The following COL21A1 variants were observed in gnomAD, a reference collection of about 807,000 sequenced individuals.
The protein encoded by COL21A1 is collagen type XXI alpha 1 chain.
COL21A1 carries 149 observed loss-of-function variants against 137.9 expected under a neutral mutation model. The ratio of observed to expected loss-of-function variants is 1.08; its 90% confidence interval spans 0.95 to 1.24. The LOEUF is 1.24. Ranked by LOEUF, COL21A1 falls within the 50% of genes most tolerant of loss-of-function variation. The pLI is 0.00. For synonymous variants in COL21A1, 456 were observed against 391.5 expected, an observed-to-expected ratio of 1.16 and a Z score of -1.95; for missense variants, 1,167 against 1,158.4, an observed-to-expected ratio of 1.01 and a Z score of -0.11.
intron 12 of COL21A1, among the ~76,000 whole-genome samples, chr6:56,131,355 A>AAT (rs1228673055): frequency 6.6e-6 from 1 of 151,448 alleles, no homozygotes; most frequent in Admixed American, 6.6e-5. Flanking sequence ...TATTTTAAAA[A>AAT]ATATATGCGC....
At chr6:56,378,767 G>T (rs1225317073) in intron 1 of COL21A1, among the ~76,000 whole-genome samples, 2 of 152,192 alleles carry the variant, frequency 1.3e-5, no homozygotes, top group African/African-American at 2.4e-5. Flanking sequence ...AGGGGGCCTT[G>T]GGCAAGACCC....
chr6:56,236,210 T>C (rs988752804), intron 1 of COL21A1, among the ~76,000 whole-genome samples: 8 of 152,108 alleles, frequency 5.3e-5, no homozygotes, highest in East Asian at 1.9e-4. Context: ...GGGCATATAT[T>C]AGCTGTCTTC....
intron 16 of COL21A1, among the ~76,000 whole-genome samples, chr6:56,119,892 T>C (rs1204380663): frequency 6.6e-6 from 1 of 152,134 alleles, no homozygotes; most frequent in African/African-American, 2.4e-5. Context: ...TCTCCTGGCA[T>C]ACACAAAAAT....
chr6:56,385,756 GCTTT>G (rs143682167), intron 1 of COL21A1, among the ~76,000 whole-genome samples: 8,434 of 151,848 alleles, frequency 0.056, 696 homozygotes, highest in African/African-American at 0.18. Context: ...CCCTCAATCT[GCTTT>G]CTATCTCTGT....
At chr6:56,369,177 T>C (rs1276182188) in intron 1 of COL21A1, among the ~76,000 whole-genome samples, 1 of 152,114 alleles carries the variant, frequency 6.6e-6, no homozygotes, top group Non-Finnish European at 1.5e-5. Flanking sequence ...AAAGTGTTAT[T>C]TTAATCATTG....
At chr6:56,178,405 A>G (rs529288057) in intron 3 of COL21A1, among the ~76,000 whole-genome samples, 2 of 152,254 alleles carry the variant, frequency 1.3e-5, no homozygotes, top group Non-Finnish European at 2.9e-5. Flanking sequence ...GAAGACGTTT[A>G]ATTTTCTATA....
intron 1 of COL21A1, among the ~76,000 whole-genome samples, chr6:56,324,764 C>T (rs959236204): frequency 1.3e-5 from 2 of 152,004 alleles, no homozygotes; most frequent in Admixed American, 1.3e-4. Context: ...ATCATTGAAA[C>T]TTGGCACATT....
intron 1 of COL21A1, among the ~76,000 whole-genome samples, chr6:56,313,717 T>C (rs1764663759): frequency 6.6e-6 from 1 of 152,014 alleles, no homozygotes; most frequent in Non-Finnish European, 1.5e-5. Context: ...ATTCAGTCCA[T>C]AGCATAGCCA....
intron 1 of COL21A1, among the ~76,000 whole-genome samples, chr6:56,192,460 A>G (rs558237971): frequency 1.5e-4 from 23 of 151,420 alleles, no homozygotes; most frequent in African/African-American, 5.6e-4. Flanking sequence ...GCTAATATCC[A>G]GAATCTACAT....
At chr6:56,207,360 A>G (rs9475630) in intron 1 of COL21A1, among the ~76,000 whole-genome samples, 1,859 of 152,332 alleles carry the variant, frequency 0.012, 32 homozygotes, top group African/African-American at 0.042. Context: ...GGATATCACC[A>G]CTGATCCCAC....
At chr6:56,346,563 A>C (rs1409227274) in intron 1 of COL21A1, among the ~76,000 whole-genome samples, 3 of 152,258 alleles carry the variant, frequency 2.0e-5, no homozygotes, top group African/African-American at 7.2e-5. Context: ...AAATTTACAT[A>C]CCACAATCCA....
intron 1 of COL21A1, among the ~76,000 whole-genome samples, chr6:56,288,270 T>G (rs13209928): frequency 0.27 from 40,748 of 149,048 alleles, 6,777 homozygotes; most frequent in Non-Finnish European, 0.38. Context: ...AAAAAGGAAA[T>G]GCTGGCTATT....
At chr6:56,377,667 A>C (rs2094001793) in intron 1 of COL21A1, among the ~76,000 whole-genome samples, 1 of 152,094 alleles carries the variant, frequency 6.6e-6, no homozygotes, top group African/African-American at 2.4e-5. Flanking sequence ...ACTCCTAGAC[A>C]AGTCCTAGGG....
chr6:56,133,550 T>C (rs1773739236), intron 12 of COL21A1, among the ~76,000 whole-genome samples: 1 of 152,172 alleles, frequency 6.6e-6, no homozygotes, highest in Non-Finnish European at 1.5e-5. Context: ...CTGCAGGAAT[T>C]TGCATAAGTA....
rs765492111 is a variant in COL21A1, at chr6:56,057,770, G to C, written c.2761C>G (p.His921Asp). Residue 921 changes from histidine (H) to aspartate (D), a missense_variant, in exon 30 of 30, where the codon CAT (histidine) becomes GAT (aspartate). His to Asp is a moderately conservative substitution (Grantham distance 81). Coordinates refer to ENST00000244728, the MANE Select transcript of COL21A1 (RefSeq NM_030820.4). Reference protein sequence around the residue: ...DPGLPGKDGDHGKPGIQGQPG... With the variant: ...DPGLPGKDGDDGKPGIQGQPG... ...TGCCCTTGGATTCCAGGTTTTCCAT[G>C]GTCTCCATCTTTGCCAGGGAGACCT... 4 of 1,609,560 alleles carry C rather than the reference G, an allele frequency of 2.5e-6. No homozygotes were observed. The highest frequency in any genetic ancestry group is 1.3e-5 in the African/African-American group (1 of 74,872).
chr6:56,242,382 C>T (rs1782380381), intron 1 of COL21A1, among the ~76,000 whole-genome samples: 3 of 152,118 alleles, frequency 2.0e-5, no homozygotes, highest in Non-Finnish European at 1.5e-5. Flanking sequence ...GCTCAAACTT[C>T]GCTAGAACAT....
intron 1 of COL21A1, among the ~76,000 whole-genome samples, chr6:56,274,801 C>G (rs1763604646): frequency 6.6e-6 from 1 of 151,802 alleles, no homozygotes. Context: ...CTGTCCAAAG[C>G]AAATCATAAA....
At chr6:56,195,415 C>A (rs1778955829) in intron 1 of COL21A1, among the ~76,000 whole-genome samples, 1 of 151,984 alleles carries the variant, frequency 6.6e-6, no homozygotes, top group Non-Finnish European at 1.5e-5. Flanking sequence ...GAGCCCCAGT[C>A]TCTCTGTCTT....
chr6:56,282,545 G>A (rs1056758649), intron 1 of COL21A1, among the ~76,000 whole-genome samples: 1 of 152,204 alleles, frequency 6.6e-6, no homozygotes, highest in Non-Finnish European at 1.5e-5. Flanking sequence ...TTCAAAGTTT[G>A]TCTATCATAT....
Sources: gnomAD v4.1 joint callset for allele counts (sites outside exome capture counted in the v4.1 genomes callset) on GRCh38, gnomAD v4.1.1 for gene constraint, MANE v1.5 for transcripts, NCBI Gene and HGNC (gene_info 2026-07-23, HGNC 2026-07-21) for gene names.